The following HOOK3 variants were observed in gnomAD, a reference collection of about 807,000 sequenced individuals.
HOOK3 encodes the protein protein Hook homolog 3.
Under a neutral mutation model 116.3 loss-of-function variants are expected in HOOK3, and 24 were observed. That is an observed-to-expected ratio of 0.21 (90% CI 0.15 to 0.29). The LOEUF (loss-of-function observed/expected upper bound fraction) is 0.29, where lower values mean the gene tolerates loss of function less well. Ranked by LOEUF, HOOK3 falls within the 10% of genes least tolerant of loss-of-function variation. HOOK3 has a pLI of 1.00. For missense variants in HOOK3, 632 were observed against 830.2 expected, an observed-to-expected ratio of 0.76 and a Z score of 2.93; for synonymous variants, 275 against 283.0, an observed-to-expected ratio of 0.97 and a Z score of 0.28.
chr8:43,005,839 G>GC lies in HOOK3; in HGVS notation c.1656-1999dup, dbSNP rs544869436. ...GCCTCCCAAGTAGCTGGGATTACAG[G>GC]CCCCCCCCCACCACACCCAGCTCAT... On this transcript the variant is annotated intron_variant, in intron 17 of 21. Coordinates refer to ENST00000307602, the MANE Select transcript of HOOK3 (RefSeq NM_032410.4). 5.6e-3 allele frequency among the ~76,000 whole-genome samples: 823 copies of GC among 147,136 alleles called. 21 individuals are homozygous for GC. Among genetic ancestry groups the GC allele is most frequent in the East Asian group, 0.049 (238 of 4,890 alleles).
intron 11 of HOOK3, among the ~76,000 whole-genome samples, chr8:42,972,777 A>G (rs1223908616): frequency 1.3e-5 from 2 of 151,898 alleles, no homozygotes; most frequent in African/African-American, 2.4e-5. Flanking sequence ...TAATCCACCT[A>G]TTTGCTGATT....
rs1430757739 is a variant in HOOK3 at position 43,025,396 on chromosome 8, C to A, written c.*6898C>A. 4.7e-6 allele frequency: 1 copy of A among 213,486 alleles called. No homozygotes were observed. Among genetic ancestry groups the A allele is most frequent in the Non-Finnish European group, 9.5e-6 (1 of 105,706 alleles). The allele number at this position is 213,486 out of a possible 1,614,324, so 13.2% of individuals were successfully genotyped here. ...AGTGGATCATTGGGATAAGAAATAG[C>A]CTAATTATAAACAAATATGCAGGCA... On this transcript the variant is annotated 3_prime_UTR_variant, in exon 22 of 22. Transcript: ENST00000307602.
chr8:42,929,737 T>C (rs552774022), intron 3 of HOOK3, among the ~76,000 whole-genome samples: 1 of 152,296 alleles, frequency 6.6e-6, no homozygotes, highest in South Asian at 2.1e-4. Context: ...AATTTCTATA[T>C]AGATGCAGTT....
In HOOK3 at chr8:42,944,326, GA is replaced by G. The variant is rs1226013305; in HGVS notation, c.400+883del. ...AGCTACTCAGGTGTCTGAGGCATGA[GA>G]ATCACTTGAACCTGGGAGGCAGAGG... On this transcript the variant is annotated intron_variant, in intron 5 of 21. Coordinates refer to ENST00000307602, the MANE Select transcript of HOOK3 (RefSeq NM_032410.4). Among the ~76,000 whole-genome samples, 4 of 152,172 alleles carry G rather than the reference GA, an allele frequency of 2.6e-5. 1 individual carries two copies. Among genetic ancestry groups the G allele is most frequent in the Non-Finnish European group, 2.9e-5 (2 of 68,014 alleles).
intron 9 of HOOK3, 57 bp downstream of exon 9, chr8:42,964,531 G>A: frequency 6.5e-7 from 1 of 1,542,130 alleles, no homozygotes; most frequent in Non-Finnish European, 8.9e-7. Context: ...GTCATTTAAA[G>A]TTAAGAGTAT....
chr8:42,897,831 C>G (rs547725712), intron 1 of HOOK3, among the ~76,000 whole-genome samples: 2 of 152,316 alleles, frequency 1.3e-5, no homozygotes, highest in East Asian at 3.9e-4. Context: ...TACATGTTCA[C>G]CTCTCACGTC....
At chr8:42,940,922 T>C (rs1808102834) in intron 4 of HOOK3, among the ~76,000 whole-genome samples, 1 of 151,670 alleles carries the variant, frequency 6.6e-6, no homozygotes, top group Non-Finnish European at 1.5e-5. Flanking sequence ...ATTTTGTTTA[T>C]TTTATTTATT....
chr8:42,938,026 G>C (rs573069416), intron 4 of HOOK3, among the ~76,000 whole-genome samples: 1 of 152,278 alleles, frequency 6.6e-6, no homozygotes, highest in East Asian at 1.9e-4. Context: ...GGGAGTCTAA[G>C]TCTCTTTATA....
At chr8:43,001,994 C>G (rs1809390548) in intron 16 of HOOK3, 113 bp from the exon 17 acceptor site, 1 of 678,188 alleles carries the variant, frequency 1.5e-6, no homozygotes, top group African/African-American at 1.8e-5. Context: ...TTTGACCAAA[C>G]AAATTACTGA....
intron 16 of HOOK3, 152 bp downstream of exon 16, chr8:42,997,789 A>G: frequency 1.6e-6 from 1 of 621,224 alleles, no homozygotes; most frequent in Non-Finnish European, 2.9e-6. Flanking sequence ...AACATTCCTT[A>G]TAAAAAGGAC....
intron 2 of HOOK3, among the ~76,000 whole-genome samples, chr8:42,907,696 G>C (rs1304010548): frequency 6.6e-6 from 1 of 150,974 alleles, no homozygotes; most frequent in Admixed American, 6.7e-5. Context: ...TTATCACTTA[G>C]AGAAACCAGA....
intron 15 of HOOK3, among the ~76,000 whole-genome samples, chr8:42,993,672 A>C (rs1229725960): frequency 6.6e-6 from 1 of 152,118 alleles, no homozygotes; most frequent in East Asian, 1.9e-4. Flanking sequence ...TATGGCTTCA[A>C]TCTCATTACT....
chr8:42,938,042 C>G (rs902969769), intron 4 of HOOK3, among the ~76,000 whole-genome samples: 2 of 152,126 alleles, frequency 1.3e-5, no homozygotes, highest in Non-Finnish European at 2.9e-5. Context: ...TTATAGGTCT[C>G]TAAGAACTTG....
intron 1 of HOOK3, among the ~76,000 whole-genome samples, chr8:42,897,616 G>GATGCAA (rs1807044952): frequency 6.6e-6 from 1 of 152,228 alleles, no homozygotes; most frequent in African/African-American, 2.4e-5. Flanking sequence ...GAGGCGCCCG[G>GATGCAA]GGACCCCGTT....
At chr8:42,982,254 TAA>T (rs1162075588) in intron 13 of HOOK3, among the ~76,000 whole-genome samples, 14 of 89,598 alleles carry the variant, frequency 1.6e-4, no homozygotes, top group Non-Finnish European at 2.0e-4. Flanking sequence ...GACTCTGTCT[TAA>T]AAAAAAAAAA....
intron 4 of HOOK3, among the ~76,000 whole-genome samples, chr8:42,940,557 A>C (rs1472062102): frequency 6.6e-6 from 1 of 152,150 alleles, no homozygotes; most frequent in East Asian, 1.9e-4. Context: ...GCTTTTCTTT[A>C]GTAATGTTGA....
chr8:42,930,267 T>C, intron 4 of HOOK3, 95 bp downstream of exon 4: 1 of 1,084,770 alleles, frequency 9.2e-7, no homozygotes, highest in Non-Finnish European at 1.3e-6. Flanking sequence ...CTTTCAAAAT[T>C]AATAATCAGT....
intron 17 of HOOK3, among the ~76,000 whole-genome samples, chr8:43,004,679 T>TAAA (rs71231881): frequency 6.0e-4 from 52 of 86,618 alleles, no homozygotes; most frequent in Non-Finnish European, 9.6e-4. Flanking sequence ...AGACTCCATC[T>TAAA]AAAAAAAAAA....
At chr8:42,980,099 A>C (rs1808910287) in intron 13 of HOOK3, among the ~76,000 whole-genome samples, 1 of 151,858 alleles carries the variant, frequency 6.6e-6, no homozygotes, top group Admixed American at 6.6e-5. Context: ...AGTAGCTGGA[A>C]TTACAGGCGC....
Sources: allele counts gnomAD v4.1 joint callset (sites outside exome capture counted in the v4.1 genomes callset), GRCh38; gene constraint gnomAD v4.1.1; transcripts MANE v1.5; gene names NCBI Gene and HGNC (gene_info 2026-07-23, HGNC 2026-07-21).